Variants in COL24A1 observed in about 807,000 individuals in gnomAD.
COL24A1 encodes collagen alpha-1(XXIV) chain.
A neutral mutation model predicts 253.9 loss-of-function variants in COL24A1; 224 were observed. That is an observed-to-expected ratio of 0.88 (90% CI 0.79 to 0.99). COL24A1 has a LOEUF of 0.99. Ranked by LOEUF, COL24A1 falls within the 50% of genes least tolerant of loss-of-function variation. The pLI is 0.00. For synonymous variants in COL24A1, 685 were observed against 673.7 expected (o/e 1.02, Z -0.26); for missense variants, 2,131 against 2,068.5 (o/e 1.03, Z -0.59).
In COL24A1 at chr1:86,081,817, A is replaced by C. The variant is rs79637866; in HGVS notation, c.1707+7357T>G. Among the ~76,000 whole-genome samples the C allele has an allele frequency of 2.5e-3, 375 of 152,304 alleles. 10 individuals carry two copies. In the East Asian group the frequency reaches 0.046, roughly 19 times the overall value. On this transcript the variant is annotated intron_variant, in intron 7 of 59. Transcript: ENST00000370571. Reference sequence around the variant, plus strand: ...GTTCGGGAACTGACGCTATGTAATTAAATTGTGGTAACCAAAATATATGTA... The same window carrying C: ...GTTCGGGAACTGACGCTATGTAATTCAATTGTGGTAACCAAAATATATGTA...
chr1:85,772,638 T>A (rs1420895801), intron 53 of COL24A1, among the ~76,000 whole-genome samples: 1 of 152,156 alleles, frequency 6.6e-6, no homozygotes, highest in African/African-American at 2.4e-5. Context: ...GAGCATTTTT[T>A]CACATGTCTG....
chr1:85,737,279 T>C, intron 58 of COL24A1, 117 bp downstream of exon 58: 1 of 602,446 alleles, frequency 1.7e-6, no homozygotes, highest in Non-Finnish European at 2.8e-6. Context: ...CAATAGAGAA[T>C]AATCTTTGCT....
At chr1:86,048,915 G>A (rs1436365510) in intron 11 of COL24A1, among the ~76,000 whole-genome samples, 1 of 152,130 alleles carries the variant, frequency 6.6e-6, no homozygotes, top group African/African-American at 2.4e-5. Flanking sequence ...CATTTTACAA[G>A]GACATATAAT....
At position 86,112,639 on chromosome 1, in the gene COL24A1, G is replaced by A. The variant is rs1387520183; in HGVS notation, c.1546-19C>T. On this transcript the variant is annotated intron_variant, in intron 4 of 59. Transcript: ENST00000370571. ...GTATGCCCTGCAAGTAACGAAAAAA[G>A]TCATCATTCTTGGAACATACTGGAA... The A allele has an allele frequency of 1.2e-6, 2 of 1,611,246 alleles. No individual in the cohort carries two copies. Among genetic ancestry groups the A allele is most frequent in the Non-Finnish European group, 8.5e-7 (1 of 1,177,940 alleles).
At chr1:85,940,179 C>A (rs1571301967) in intron 24 of COL24A1, among the ~76,000 whole-genome samples, 1 of 16,600 alleles carries the variant, frequency 6.0e-5, no homozygotes, top group African/African-American at 1.5e-4. Context: ...CCGAGGCGGG[C>A]GGATCACGAG....
In COL24A1 at chr1:85,745,997, G is replaced by A. The variant is rs560122352; in HGVS notation, c.4438-491C>T. Among the ~76,000 whole-genome samples, 3 of 152,220 alleles carry A rather than the reference G, an allele frequency of 2.0e-5. No homozygotes were observed. The East Asian group carries it at 5.8e-4, about 29-fold the overall frequency. On this transcript the variant is annotated intron_variant, in intron 55 of 59. Coordinates refer to ENST00000370571, the MANE Select transcript of COL24A1 (RefSeq NM_152890.7). ...AAAATAATTTCTGAAGTTGGAAAAT[G>A]TACCATGAGTCCCAAAAGAAATAAT...
intron 18 of COL24A1, among the ~76,000 whole-genome samples, chr1:86,019,869 T>G (rs1056727711): frequency 6.6e-6 from 1 of 152,058 alleles, no homozygotes; most frequent in African/African-American, 2.4e-5. Context: ...TTATTGTGAC[T>G]TCTTTCAGGA....
At chr1:85,841,180 T>C (rs1196729909) in intron 42 of COL24A1, 42 bp downstream of exon 42, 2 of 1,418,914 alleles carry the variant, frequency 1.4e-6, no homozygotes, top group Non-Finnish European at 2.0e-6. Context: ...TATAATTGTG[T>C]TTTATCTTGA....
chr1:86,050,570 C>T (rs1220243662), intron 10 of COL24A1, among the ~76,000 whole-genome samples: 1 of 151,912 alleles, frequency 6.6e-6, no homozygotes, highest in African/African-American at 2.4e-5. Flanking sequence ...GAGGCAAAGG[C>T]AATCAAAGAA....
intron 55 of COL24A1, 62 bp downstream of exon 55, chr1:85,761,333 AT>A: frequency 1.1e-5 from 17 of 1,563,146 alleles, no homozygotes; most frequent in Non-Finnish European, 1.4e-5. Flanking sequence ...ACAGAAGGAT[AT>A]TTAAAAAGTT....
chr1:85,845,687 C>A (rs1677080297), intron 39 of COL24A1, among the ~76,000 whole-genome samples: 1 of 151,594 alleles, frequency 6.6e-6, no homozygotes, highest in Admixed American at 6.6e-5. Context: ...CCAACAGCAC[C>A]ACTAAGTTGA....
At chr1:85,804,463 T>C (rs529748700) in intron 47 of COL24A1, among the ~76,000 whole-genome samples, 2 of 152,082 alleles carry the variant, frequency 1.3e-5, no homozygotes, top group Non-Finnish European at 2.9e-5. Flanking sequence ...ACAGGTGCAT[T>C]AGTCCATTTT....
chr1:86,047,756 A>G (rs955757553), intron 11 of COL24A1, among the ~76,000 whole-genome samples: 2 of 151,990 alleles, frequency 1.3e-5, no homozygotes, highest in African/African-American at 4.8e-5. Context: ...TGCTATTTTC[A>G]TCATCATCAT....
intron 7 of COL24A1, among the ~76,000 whole-genome samples, chr1:86,066,359 C>T (rs1428397313): frequency 6.6e-6 from 1 of 151,530 alleles, no homozygotes; most frequent in Non-Finnish European, 1.5e-5. Flanking sequence ...CTGCCTCAGC[C>T]TCCGGAGTAG....
At chr1:85,950,267 T>C (rs752210774) in intron 24 of COL24A1, among the ~76,000 whole-genome samples, 1 of 152,194 alleles carries the variant, frequency 6.6e-6, no homozygotes, top group Non-Finnish European at 1.5e-5. Flanking sequence ...ATCCAAACAA[T>C]ATTTGTGGAA....
At chr1:86,008,996 T>C (rs753468185) in intron 19 of COL24A1, among the ~76,000 whole-genome samples, 3 of 152,092 alleles carry the variant, frequency 2.0e-5, no homozygotes, top group African/African-American at 7.2e-5. Flanking sequence ...AGACAACCGT[T>C]GTTGTTGAAA....
intron 58 of COL24A1, chr1:85,736,100 T>A: frequency 3.2e-6 from 1 of 311,992 alleles, no homozygotes; most frequent in South Asian, 2.9e-5. Flanking sequence ...ATAACACTAA[T>A]CTGGCATGGT....
intron 24 of COL24A1, among the ~76,000 whole-genome samples, chr1:85,915,630 C>G (rs1487818614): frequency 6.6e-6 from 1 of 152,104 alleles, no homozygotes; most frequent in Non-Finnish European, 1.5e-5. Context: ...TGAACACAGA[C>G]TAGTCAAACT....
intron 2 of COL24A1, among the ~76,000 whole-genome samples, chr1:86,142,230 T>C (rs188101971): frequency 3.5e-3 from 520 of 149,850 alleles, no homozygotes; most frequent in Admixed American, 7.4e-3. Flanking sequence ...CCCTTAAAAA[T>C]TTAAACACAG....
Sources: allele counts gnomAD v4.1 joint callset (sites outside exome capture counted in the v4.1 genomes callset), GRCh38; gene constraint gnomAD v4.1.1; transcripts MANE v1.5; gene names NCBI Gene and HGNC (gene_info 2026-07-23, HGNC 2026-07-21).